NEGR1: variants seen among roughly 807,000 people sequenced by gnomAD.
NEGR1 encodes IgLON family member 4.
A neutral mutation model predicts 40.9 loss-of-function variants in NEGR1; 10 were observed. That is an observed-to-expected ratio of 0.24 (90% CI 0.15 to 0.42). The LOEUF is 0.42. NEGR1 is among the 10% of genes least tolerant of loss of function. The pLI, the probability that NEGR1 is intolerant of heterozygous loss-of-function variation, is 1.00. For missense variants in NEGR1, 352 were observed against 438.9 expected, an observed-to-expected ratio of 0.80 and a Z score of 1.77; for synonymous variants, 185 against 166.8, an observed-to-expected ratio of 1.11 and a Z score of -0.84.
chr1:71,773,036 T>G (rs1402525569), intron 3 of NEGR1, among the ~76,000 whole-genome samples: 1 of 152,192 alleles, frequency 6.6e-6, no homozygotes, highest in Non-Finnish European at 1.5e-5. Flanking sequence ...AGGTGTTTTT[T>G]TTTGGTGAAA....
intron 4 of NEGR1, among the ~76,000 whole-genome samples, chr1:71,626,059 T>A (rs1421290363): frequency 6.6e-6 from 1 of 151,778 alleles, no homozygotes; most frequent in Non-Finnish European, 1.5e-5. Context: ...TGCCTGATGA[T>A]CTGAGGTGGA....
intron 1 of NEGR1, among the ~76,000 whole-genome samples, chr1:72,261,944 AT>A: frequency 6.6e-6 from 1 of 152,172 alleles, no homozygotes; most frequent in Admixed American, 6.5e-5. Flanking sequence ...TATACACTAA[AT>A]GCCTAGACTT....
intron 4 of NEGR1, among the ~76,000 whole-genome samples, chr1:71,676,527 T>A (rs1456592759): frequency 6.6e-6 from 1 of 152,196 alleles, no homozygotes; most frequent in Non-Finnish European, 1.5e-5. Context: ...TGATCTCCCA[T>A]GCAGTAGGAT....
rs542345368 is a variant in NEGR1, at chr1:72,174,035, C to T, written c.176+108284G>A. On this transcript the variant is annotated intron_variant, in intron 1 of 6. Coordinates refer to ENST00000357731, the MANE Select transcript of NEGR1 (RefSeq NM_173808.3). ...AATAATCAAACTACTTTCTCATTTT[C>T]TCATTTTGTTTCACAACAATCTTCT... Among the ~76,000 whole-genome samples the T allele has an allele frequency of 2.7e-4, 41 of 152,164 alleles. No homozygotes were observed. The South Asian group carries it at 7.2e-3, about 27-fold the overall frequency.
intron 1 of NEGR1, among the ~76,000 whole-genome samples, chr1:72,132,567 A>C (rs1303660961): frequency 1.3e-5 from 2 of 152,184 alleles, no homozygotes; most frequent in Non-Finnish European, 2.9e-5. Flanking sequence ...TTTTGAAATG[A>C]CATTTCTTTA....
At position 72,005,452 on chromosome 1, in the gene NEGR1, A is replaced by C. The variant is rs529142533; in HGVS notation, c.177-70141T>G. ...TTCCATCTATATATTCTTTCTCTTGACAAATTATAATTTTTAAAGAATACG... is the reference window on the plus strand; with the variant it reads ...TTCCATCTATATATTCTTTCTCTTGCCAAATTATAATTTTTAAAGAATACG... On this transcript the variant is annotated intron_variant, in intron 1 of 6. Coordinates refer to ENST00000357731, the MANE Select transcript of NEGR1 (RefSeq NM_173808.3). 8.5e-5 allele frequency among the ~76,000 whole-genome samples: 13 copies of C among 152,290 alleles called. No homozygotes were observed. The South Asian group carries it at 2.1e-3, about 24-fold the overall frequency.
chr1:72,272,965 GA>G (rs35526787), intron 1 of NEGR1, among the ~76,000 whole-genome samples: 12,632 of 151,956 alleles, frequency 0.083, 650 homozygotes, highest in Non-Finnish European at 0.12. Context: ...TTTTCTTAGA[GA>G]AAGTGATTAA....
At chr1:71,732,519 T>TGTGTGC (rs1163271609) in intron 3 of NEGR1, among the ~76,000 whole-genome samples, 3 of 137,004 alleles carry the variant, frequency 2.2e-5, no homozygotes, top group South Asian at 4.6e-4. Context: ...TGTGTGTGTG[T>TGTGTGC]GCGCGCGCGC....
chr1:72,015,741 G>T (rs977696152), intron 1 of NEGR1, among the ~76,000 whole-genome samples: 2 of 152,172 alleles, frequency 1.3e-5, no homozygotes, highest in Admixed American at 1.3e-4. Context: ...AGCTGAGGCA[G>T]GGCTTGCATG....
At chr1:72,165,710 T>C (rs965457424) in intron 1 of NEGR1, among the ~76,000 whole-genome samples, 1 of 152,030 alleles carries the variant, frequency 6.6e-6, no homozygotes, top group Admixed American at 6.6e-5. Flanking sequence ...TCTCGGCATC[T>C]AAATACTTAT....
chr1:72,051,173 A>G (rs918603365), intron 1 of NEGR1, among the ~76,000 whole-genome samples: 18 of 151,526 alleles, frequency 1.2e-4, no homozygotes, highest in African/African-American at 4.1e-4. Context: ...TCAGAGACAT[A>G]TAATTAGTGT....
At chr1:72,166,905 AAAAC>A (rs1446760066) in intron 1 of NEGR1, among the ~76,000 whole-genome samples, 1 of 152,214 alleles carries the variant, frequency 6.6e-6, no homozygotes, top group East Asian at 1.9e-4. Context: ...CTTAAAAACA[AAAAC>A]AAAGTATAAA....
chr1:71,540,120 T>TG (rs142672162), intron 6 of NEGR1, among the ~76,000 whole-genome samples: 6,803 of 151,858 alleles, frequency 0.045, 513 homozygotes, highest in African/African-American at 0.15. Flanking sequence ...GGCTAAAGAC[T>TG]GACTTTCATA....
Position 72,219,653 on chromosome 1 carries a change from T to A in NEGR1, c.176+62666A>T, listed in dbSNP as rs533426650. 9.0e-4 allele frequency among the ~76,000 whole-genome samples: 137 copies of A among 152,154 alleles called. 5 individuals carry two copies. The South Asian group carries it at 0.027, about 30-fold the overall frequency. On this transcript the variant is annotated intron_variant, in intron 1 of 6. Transcript: ENST00000357731. ...ACAGCACTATTACCTCCAAACACCA[T>A]ACATGTACAATCAATAGATATGTTT...
chr1:72,031,026 T>A (rs1200224158), intron 1 of NEGR1, among the ~76,000 whole-genome samples: 1 of 152,204 alleles, frequency 6.6e-6, no homozygotes, highest in East Asian at 1.9e-4. Flanking sequence ...ATGGGGCAAC[T>A]GGAGTTAGAC....
chr1:71,688,325 T>TATATATATAG lies in NEGR1; in HGVS notation c.667+9682_667+9683insCTATATATAT, dbSNP rs1475341609. The stretch of plus-strand genomic sequence containing the variant: ...TTCCCTTTTCATATATATATATATA[T>TATATATATAG]ATAGATAGATAGATAGATAGATAGA... On this transcript the variant is annotated intron_variant, in intron 4 of 6. Coordinates refer to ENST00000357731, the MANE Select transcript of NEGR1 (RefSeq NM_173808.3). 2.0e-3 allele frequency among the ~76,000 whole-genome samples: 208 copies of TATATATATAG among 103,196 alleles called. 7 individuals carry two copies. In the South Asian group the frequency reaches 0.022, roughly 11 times the overall value. The allele number at this position is 103,196 out of a possible 152,430, so 67.7% of individuals were successfully genotyped here.
Position 72,159,610 on chromosome 1 carries a change from TAAAG to T in NEGR1, c.176+122705_176+122708del, listed in dbSNP as rs377326717. On this transcript the variant is annotated intron_variant, in intron 1 of 6. Coordinates refer to ENST00000357731, the MANE Select transcript of NEGR1 (RefSeq NM_173808.3). The stretch of plus-strand genomic sequence containing the variant: ...TTAAAATATTTGGTTTCCATGAACT[TAAAG>T]AACATAGAAGAATGCAAAGCTTTGC... 3.3e-3 allele frequency among the ~76,000 whole-genome samples: 498 copies of T among 152,310 alleles called. 5 individuals are homozygous for T. The highest frequency in any genetic ancestry group is 0.011 in the African/African-American group (476 of 41,572).
chr1:71,485,066 A>G (rs1245280231), intron 6 of NEGR1, among the ~76,000 whole-genome samples: 2 of 151,734 alleles, frequency 1.3e-5, no homozygotes. Flanking sequence ...AAAAGTTACT[A>G]AATAAATAAT....
chr1:71,555,723 G>C (rs1331295966), intron 6 of NEGR1, among the ~76,000 whole-genome samples: 1 of 151,572 alleles, frequency 6.6e-6, no homozygotes, highest in Admixed American at 6.6e-5. Flanking sequence ...TAGTAAGACT[G>C]TATGTATTCC....
Sources: allele counts gnomAD v4.1 joint callset (sites outside exome capture counted in the v4.1 genomes callset), GRCh38; gene constraint gnomAD v4.1.1; transcripts MANE v1.5; gene names NCBI Gene and HGNC (gene_info 2026-07-23, HGNC 2026-07-21).